CACNA1S: variants seen among roughly 807,000 people sequenced by gnomAD.
CACNA1S encodes voltage-dependent L-type calcium channel subunit alpha-1S.
A neutral mutation model predicts 207.4 loss-of-function variants in CACNA1S; 126 were observed. That is an observed-to-expected ratio of 0.61 (90% CI 0.53 to 0.70). The LOEUF is 0.70. Among genes scored for constraint, CACNA1S ranks in the 30% least tolerant of loss-of-function variants. CACNA1S has a pLI of 0.00. For missense variants in CACNA1S, 2,349 were observed against 2,422.8 expected (o/e 0.97, Z 0.64); for synonymous variants, 960 against 932.7 (o/e 1.03, Z -0.53).
At chr1:201,086,367 G>A (rs1662039450) in intron 7 of CACNA1S, among the ~76,000 whole-genome samples, 1 of 152,226 alleles carries the variant, frequency 6.6e-6, no homozygotes, top group South Asian at 2.1e-4. Context: ...GTTACAGCTA[G>A]GCTTCACTTA....
intron 5 of CACNA1S, 106 bp downstream of exon 5, chr1:201,091,534 T>C: frequency 8.1e-7 from 1 of 1,238,188 alleles, no homozygotes; most frequent in Non-Finnish European, 1.2e-6. Context: ...TCAACAGATG[T>C]GGGCGGCAAT....
intron 2 of CACNA1S, 55 bp from the exon 3 acceptor site, chr1:201,094,076 G>A (rs931921193): frequency 1.4e-5 from 23 of 1,610,168 alleles, no homozygotes; most frequent in Admixed American, 6.7e-5. Flanking sequence ...GTGCACCCTT[G>A]CTCTCTTCCC....
rs148630522 is a variant in CACNA1S at position 201,097,530 on chromosome 1, C to T, written c.259-3509G>A. The stretch of plus-strand genomic sequence containing the variant: ...CCTCTTGCCTCTTACAACCCTCTGA[C>T]CCCCCACAGGGAGCACCAGCTCTGT... On this transcript the variant is annotated intron_variant, in intron 2 of 43. Transcript: ENST00000362061. Among the ~76,000 whole-genome samples the T allele has an allele frequency of 2.8e-3, 426 of 152,272 alleles. 1 individual carries two copies. Among genetic ancestry groups the T allele is most frequent in the Non-Finnish European group, 5.3e-3 (360 of 68,018 alleles).
chr1:201,068,599 G>A (rs1382769612), intron 19 of CACNA1S, among the ~76,000 whole-genome samples: 3 of 151,450 alleles, frequency 2.0e-5, no homozygotes, highest in Non-Finnish European at 4.4e-5. Context: ...TTCGCTGGGC[G>A]AGGTGGCTCA....
intron 2 of CACNA1S, among the ~76,000 whole-genome samples, chr1:201,105,291 C>A (rs1001801546): frequency 1.3e-5 from 2 of 152,126 alleles, no homozygotes; most frequent in Non-Finnish European, 2.9e-5. Flanking sequence ...GGCTGGTGAG[C>A]CTGCTCTGTG....
chr1:201,048,509 G>T, intron 36 of CACNA1S, 73 bp downstream of exon 36: 5 of 1,259,016 alleles, frequency 4.0e-6, no homozygotes, highest in Non-Finnish European at 5.8e-6. Context: ...TGAGCTCTGA[G>T]AATCTGGCAG....
At chr1:201,111,553 G>T (rs903389408) in intron 1 of CACNA1S, among the ~76,000 whole-genome samples, 1 of 152,110 alleles carries the variant, frequency 6.6e-6, no homozygotes, top group Non-Finnish European at 1.5e-5. Context: ...GAGCCACTGA[G>T]ACCAGGTGTC....
chr1:201,041,518 G>T lies in CACNA1S; in HGVS notation c.5120C>A (p.Pro1707His). 1 of 1,613,836 alleles carries T rather than the reference G, an allele frequency of 6.2e-7. No homozygotes were observed. Among genetic ancestry groups the T allele is most frequent in the Non-Finnish European group, 8.5e-7 (1 of 1,179,732 alleles). The change falls in exon 41 of 44, where the codon CCC becomes CAC. Residue 1707 changes from proline to histidine, a missense_variant. Physicochemically the swap from Pro to His is moderately conservative, Grantham distance 77. Transcript: ENST00000362061. ...AAGGGACTGACCCAGGACCCTGCAGGGTTGGCCAAGGGCTCGTCCTCTGGT... is the reference window on the plus strand; with the variant it reads ...AAGGGACTGACCCAGGACCCTGCAGTGTTGGCCAAGGGCTCGTCCTCTGGT... ...PATRGRALGQPCRVLGPHSKP... is the reference protein window; with the variant it reads ...PATRGRALGQHCRVLGPHSKP...
intron 38 of CACNA1S, 126 bp from the exon 39 acceptor site, chr1:201,044,582 C>T (rs1660412242): frequency 1.8e-6 from 2 of 1,083,414 alleles, no homozygotes; most frequent in Admixed American, 4.0e-5. Flanking sequence ...ACAATCTGAG[C>T]TCACTGTAAC....
In CACNA1S at chr1:201,052,707, T is replaced by TC. The variant is rs1660698909; in HGVS notation, c.3862-60dup. ...TAGATTAAAGTGTCCCCTCAGCTTA[T>TC]CCCCCACTGCCTTCTCCTGCCTGAC... On this transcript the variant is annotated intron_variant, in intron 31 of 43. Coordinates refer to ENST00000362061, the MANE Select transcript of CACNA1S (RefSeq NM_000069.3). 38 of 1,371,298 alleles carry TC rather than the reference T, an allele frequency of 2.8e-5. 2 individuals are homozygous for TC. The South Asian group carries it at 3.9e-4, about 14-fold the overall frequency. The allele number at this position is 1,371,298 out of a possible 1,614,324, so 84.9% of individuals were successfully genotyped here.
Position 201,039,874 on chromosome 1 carries a change from T to C in CACNA1S, c.5579A>G (p.Gln1860Arg). The C allele has an allele frequency of 6.2e-7, 1 of 1,610,948 alleles. No individual in the cohort carries two copies. Among genetic ancestry groups the C allele is most frequent in the Middle Eastern group, 1.6e-4 (1 of 6,062 alleles). ...AAGGGTCTCCTGGGAGCCCTGGTGT[T>C]GGTCGAGGCTGCCCAGGGAGGACCC... ...NLGSSLGSLD[Q>R]HQGSQETLIP... Residue 1860 changes from glutamine (Q) to arginine (R), a missense_variant, in exon 44 of 44, where the codon CAA becomes CGA. By Grantham distance (43) the Gln-to-Arg change is conservative. Transcript: ENST00000362061.
chr1:201,083,409 T>C, intron 9 of CACNA1S, 87 bp from the exon 10 acceptor site: 1 of 1,415,550 alleles, frequency 7.1e-7, no homozygotes, highest in Admixed American at 1.7e-5. Context: ...ACTCCAGGCA[T>C]GCGTAGCCTG....
At chr1:201,085,850 C>G (rs1471446360) in intron 7 of CACNA1S, among the ~76,000 whole-genome samples, 1 of 152,200 alleles carries the variant, frequency 6.6e-6, no homozygotes, top group African/African-American at 2.4e-5. Context: ...CTCATTGTCT[C>G]CTGCCTTGTT....
In CACNA1S at chr1:201,052,606, G is replaced by A. The variant is rs780390034; in HGVS notation, c.3904C>T (p.Arg1302Trp). ...IALVDGTQINRNNNFQTFPQA... is the reference protein window; with the variant it reads ...IALVDGTQINWNNNFQTFPQA... ...GGGAAGGTCTGGAAGTTGTTGTTCC[G>A]GTTTATTTGGGTCCCATCCACCAAG... The change falls in exon 32 of 44, where the codon CGG (arginine) becomes TGG (tryptophan). Residue 1302 changes from arginine (R) to tryptophan (W), a missense_variant. By Grantham distance (101) the Arg-to-Trp change is moderately radical (BLOSUM62 -3). Transcript: ENST00000362061. 1.1e-4 allele frequency: 178 copies of A among 1,613,820 alleles called. No individual in the cohort carries two copies. Among genetic ancestry groups the A allele is most frequent in the Middle Eastern group, 9.9e-4 (6 of 6,084 alleles).
intron 11 of CACNA1S, 28 bp downstream of exon 11, chr1:201,077,851 G>T: frequency 6.5e-7 from 1 of 1,549,050 alleles, no homozygotes; most frequent in Non-Finnish European, 8.9e-7. Context: ...CCGGGGACCC[G>T]GGAGTGCCAG....
rs1572058917 is a variant in CACNA1S, at chr1:201,087,912, C to T, written c.918G>A (p.Gly306=). ...DVLYWVNDAI[G]NEWPWIYFVT... ...CAAAATAGATCCAGGGCCACTCATT[C>T]CCGATGGCATCATTGACCTGGTCAG... The change falls in exon 7 of 44, where the codon GGG becomes GGA. Residue 306 remains glycine (G), a synonymous_variant. Coordinates refer to ENST00000362061, the MANE Select transcript of CACNA1S (RefSeq NM_000069.3). 3 of 1,612,616 alleles carry T rather than the reference C, an allele frequency of 1.9e-6. No individual in the cohort carries two copies. The highest frequency in any genetic ancestry group is 2.5e-6 in the Non-Finnish European group (3 of 1,178,836).
intron 19 of CACNA1S, among the ~76,000 whole-genome samples, chr1:201,067,586 C>T (rs1661292349): frequency 1.3e-5 from 2 of 152,174 alleles, no homozygotes; most frequent in Non-Finnish European, 2.9e-5. Context: ...ATGATTTTGT[C>T]TTAATTTGCC....
At chr1:201,041,300 C>T (rs1660182994) in intron 41 of CACNA1S, among the ~76,000 whole-genome samples, 1 of 152,164 alleles carries the variant, frequency 6.6e-6, no homozygotes, top group Non-Finnish European at 1.5e-5. Context: ...CCTCACTCAG[C>T]CACCTAGATG....
intron 34 of CACNA1S, among the ~76,000 whole-genome samples, chr1:201,049,983 G>A (rs1209586240): frequency 6.6e-6 from 1 of 152,166 alleles, no homozygotes; most frequent in Non-Finnish European, 1.5e-5. Context: ...GCATACGAAT[G>A]TCCCAAGGCT....
Sources: allele counts gnomAD v4.1 joint callset (sites outside exome capture counted in the v4.1 genomes callset), GRCh38; gene constraint gnomAD v4.1.1; transcripts MANE v1.5; gene names NCBI Gene and HGNC (gene_info 2026-07-23, HGNC 2026-07-21).